Variants in PHTF2 observed in about 807,000 individuals in gnomAD.
PHTF2 encodes protein PHTF2.
PHTF2 carries 60 observed loss-of-function variants against 101.2 expected under a neutral mutation model. The ratio of observed to expected loss-of-function variants is 0.59; its 90% CI spans 0.48 to 0.73. PHTF2 has a LOEUF of 0.73. Ranked by LOEUF, PHTF2 falls within the 30% of genes least tolerant of loss-of-function variation. The pLI is 0.00. For synonymous variants in PHTF2, 311 were observed against 307.3 expected, an observed-to-expected ratio of 1.01 and a Z score of -0.13; for missense variants, 747 against 908.7, an observed-to-expected ratio of 0.82 and a Z score of 2.29.
chr7:77,955,515 AAATT>A (rs1447660018), exon 20 of PHTF2: 1 of 152,576 alleles, frequency 6.6e-6, no homozygotes, highest in African/African-American at 2.4e-5. Flanking sequence ...ATTTTGATAA[AAATT>A]AACTAGTAAT....
chr7:77,954,973 C>A, exon 20 of PHTF2: 1 of 627,106 alleles, frequency 1.6e-6, no homozygotes, highest in South Asian at 2.3e-5. Flanking sequence ...CTTCAGGAGT[C>A]TCAGCTAGGG....
At chr7:77,930,935 A>G (rs1804508659) in intron 12 of PHTF2, among the ~76,000 whole-genome samples, 1 of 152,246 alleles carries the variant, frequency 6.6e-6, no homozygotes, top group Non-Finnish European at 1.5e-5. Flanking sequence ...TTTACTTTCA[A>G]TTTAATACTC....
At chr7:77,884,006 A>G (rs931944200) in intron 3 of PHTF2, among the ~76,000 whole-genome samples, 6 of 152,176 alleles carry the variant, frequency 3.9e-5, no homozygotes, top group African/African-American at 1.2e-4. Context: ...TGTCCCCATT[A>G]TACGGAGGTT....
rs1562923420 is a variant in PHTF2, at chr7:77,893,593, GTCT to G, written c.148-10_148-8del. The G allele has an allele frequency of 8.2e-7, 1 of 1,224,380 alleles. No homozygotes were observed. Among genetic ancestry groups the G allele is most frequent in the African/African-American group, 1.5e-5 (1 of 67,524 alleles). 75.8% of individuals were successfully genotyped at this position (1,224,380 alleles called of 1,614,324 possible). Reference sequence around the variant, plus strand: ...ACCAGCAATGACCATTTAATGTAGTGTCTTCTTTTCATAGATTGGAGCATATGA... The same window carrying G: ...ACCAGCAATGACCATTTAATGTAGTGTCTTTTCATAGATTGGAGCATATGA... On this transcript the variant is annotated splice_polypyrimidine_tract_variant and intron_variant, in intron 3 of 19. Coordinates refer to ENST00000416283, the Ensembl canonical transcript of PHTF2.
At chr7:77,917,565 A>G (rs939139021) in intron 9 of PHTF2, among the ~76,000 whole-genome samples, 2 of 152,168 alleles carry the variant, frequency 1.3e-5, no homozygotes, top group Non-Finnish European at 2.9e-5. Context: ...TTATATTTAT[A>G]TCTTCTTTCT....
chr7:77,799,353 C>G (rs1792338266), intron 1 of PHTF2, among the ~76,000 whole-genome samples: 1 of 152,148 alleles, frequency 6.6e-6, no homozygotes, highest in South Asian at 2.1e-4. Context: ...TCGTCGGGTC[C>G]TGGAAGGGCG....
At chr7:77,867,588 C>T (rs1393379354) in intron 3 of PHTF2, among the ~76,000 whole-genome samples, 4 of 152,146 alleles carry the variant, frequency 2.6e-5, no homozygotes, top group African/African-American at 9.7e-5. Context: ...TTAACTGCCT[C>T]AACTGGCATT....
intron 1 of PHTF2, among the ~76,000 whole-genome samples, chr7:77,802,853 C>T (rs1255704319): frequency 1.3e-5 from 2 of 152,172 alleles, no homozygotes; most frequent in African/African-American, 4.8e-5. Context: ...ATTGGGACTG[C>T]CCTTGAAAAT....
At chr7:77,872,347 G>C (rs1343086726) in intron 3 of PHTF2, among the ~76,000 whole-genome samples, 1 of 152,172 alleles carries the variant, frequency 6.6e-6, no homozygotes, top group African/African-American at 2.4e-5. Context: ...CACAGTTTTT[G>C]ACCACTCAGA....
At chr7:77,923,264 T>C (rs1330196354) in intron 11 of PHTF2, 12 of 868,572 alleles carry the variant, frequency 1.4e-5, no homozygotes, top group African/African-American at 1.8e-5. Flanking sequence ...CTATATCATA[T>C]CTCTTGAGCT....
At chr7:77,856,214 T>TA (rs1207949301) in intron 3 of PHTF2, among the ~76,000 whole-genome samples, 2 of 152,130 alleles carry the variant, frequency 1.3e-5, no homozygotes, top group African/African-American at 2.4e-5. Context: ...CCCTCATCTC[T>TA]AAAAAATAAA....
intron 1 of PHTF2, among the ~76,000 whole-genome samples, chr7:77,803,821 C>T (rs1431657520): frequency 6.6e-6 from 1 of 151,476 alleles, no homozygotes. Flanking sequence ...AGGATTCAAC[C>T]GGCAGAGTTG....
chr7:77,866,415 C>A (rs1162721850), intron 3 of PHTF2, among the ~76,000 whole-genome samples: 1 of 152,102 alleles, frequency 6.6e-6, no homozygotes, highest in Non-Finnish European at 1.5e-5. Context: ...GAGAAAATAT[C>A]ATTTCTCAAT....
At chr7:77,925,264 CTA>C (rs891090858) in intron 11 of PHTF2, among the ~76,000 whole-genome samples, 6 of 152,062 alleles carry the variant, frequency 3.9e-5, no homozygotes, top group African/African-American at 1.4e-4. Flanking sequence ...CAAATAAATA[CTA>C]TGTGTTCTCT....
chr7:77,817,811 A>C (rs1359865468), intron 1 of PHTF2, among the ~76,000 whole-genome samples: 1 of 152,102 alleles, frequency 6.6e-6, no homozygotes, highest in African/African-American at 2.4e-5. Flanking sequence ...TTTTGATGTT[A>C]AAAAGTTTGA....
chr7:77,816,695 C>T (rs540233933), intron 1 of PHTF2, among the ~76,000 whole-genome samples: 9 of 152,250 alleles, frequency 5.9e-5, no homozygotes, highest in African/African-American at 2.2e-4. Context: ...ATTTTGTAAC[C>T]TTTCACAAAT....
chr7:77,939,698 G>T (rs973265291), intron 13 of PHTF2, among the ~76,000 whole-genome samples: 11 of 151,842 alleles, frequency 7.2e-5, no homozygotes, highest in Non-Finnish European at 1.5e-4. Context: ...CTGAATTTCA[G>T]TGGATATGAG....
At chr7:77,886,077 A>G (rs1799818763) in intron 3 of PHTF2, among the ~76,000 whole-genome samples, 1 of 152,030 alleles carries the variant, frequency 6.6e-6, no homozygotes, top group African/African-American at 2.4e-5. Context: ...TGCCTTGCTT[A>G]TTTTTATTTG....
chr7:77,860,895 G>C (rs1191561735), intron 3 of PHTF2, among the ~76,000 whole-genome samples: 1 of 151,770 alleles, frequency 6.6e-6, no homozygotes, highest in Admixed American at 6.6e-5. Context: ...GTAGTGATGG[G>C]GTCTCACTCT....
Sources: gnomAD v4.1 joint callset for allele counts (sites outside exome capture counted in the v4.1 genomes callset) on GRCh38, gnomAD v4.1.1 for gene constraint, MANE v1.5 for transcripts, NCBI Gene and HGNC (gene_info 2026-07-23, HGNC 2026-07-21) for gene names.